The following PRKX variants were observed in gnomAD, a reference collection of about 807,000 sequenced individuals.
The protein encoded by PRKX is protein kinase cAMP-dependent X-linked catalytic subunit.
PRKX carries 12 observed loss-of-function variants against 22.0 expected under a neutral mutation model. The ratio of observed to expected loss-of-function variants is 0.54; its 90% CI spans 0.35 to 0.88. PRKX has a LOEUF of 0.88. Among genes scored for constraint, PRKX ranks in the 40% least tolerant of loss-of-function variants. The probability of loss-of-function intolerance (pLI) is 0.01; values close to 1 mark genes in which losing one functional copy is unlikely to be tolerated. For missense variants in PRKX, 217 were observed against 308.0 expected, an observed-to-expected ratio of 0.70 and a Z score of 2.21; for synonymous variants, 134 against 137.7, an observed-to-expected ratio of 0.97 and a Z score of 0.19.
At chrX:3,617,047 CATT>C (rs746765824) in intron 6 of PRKX, among the ~76,000 whole-genome samples, 81 of 110,756 alleles carry the variant, frequency 7.3e-4, no homozygotes, top group East Asian at 1.7e-3. Context: ...CACATACACA[CATT>C]AATATATACA....
intron 2 of PRKX, chrX:3,670,273 G>A (rs758219381): frequency 2.4e-5 from 3 of 123,156 alleles, no homozygotes; most frequent in Non-Finnish European, 5.6e-5. Flanking sequence ...AGCATGCAAC[G>A]TTGGACACCC....
chrX:3,612,167 A>T lies in PRKX; in HGVS notation c.*23+10T>A, dbSNP rs1926309695. 1 of 1,188,111 alleles carries T rather than the reference A, an allele frequency of 8.4e-7. No individual in the cohort carries two copies. Among genetic ancestry groups the T allele is most frequent in the East Asian group, 3.0e-5 (1 of 33,306 alleles). On this transcript the variant is annotated intron_variant, in intron 8 of 8. Coordinates refer to ENST00000262848, the MANE Select transcript of PRKX (RefSeq NM_005044.5). ...TCATTTTTTGGGAATTACTAAATAT[A>T]AAGATATACCTTCCAGATGTGAGCT... is the stretch of plus-strand genomic sequence containing the variant.
At chrX:3,697,594 G>A (rs974146511) in intron 1 of PRKX, among the ~76,000 whole-genome samples, 2 of 108,767 alleles carry the variant, frequency 1.8e-5, no homozygotes, top group South Asian at 4.1e-4. Context: ...CACCCAGGCT[G>A]GAGTAGAGTG....
At chrX:3,627,394 A>T (rs1185419759) in intron 4 of PRKX, among the ~76,000 whole-genome samples, 1 of 86,212 alleles carries the variant, frequency 1.2e-5, no homozygotes, top group Admixed American at 1.2e-4. Context: ...AAAAAAATTA[A>T]AAAAAAAAAA....
chrX:3,605,752 G>C lies in PRKX; in HGVS notation c.*3217C>G, dbSNP rs1411267250. 1 of 112,339 alleles carries C rather than the reference G, an allele frequency of 8.9e-6. No individual in the cohort carries two copies. Among genetic ancestry groups the C allele is most frequent in the African/African-American group, 3.2e-5 (1 of 30,902 alleles). The allele number at this position is 112,339 out of a possible 1,213,427, so 9.3% of individuals were successfully genotyped here. The stretch of plus-strand genomic sequence containing the variant: ...GGGAAATTCAGTAACAAGTGATTGT[G>C]CAGTTGTTTGATGGGCATGGAGAGG... On this transcript the variant is annotated 3_prime_UTR_variant, in exon 9 of 9. Transcript: ENST00000262848.
At chrX:3,618,483 G>T (rs980732952) in intron 6 of PRKX, among the ~76,000 whole-genome samples, 3 of 109,309 alleles carry the variant, frequency 2.7e-5, no homozygotes, top group Non-Finnish European at 3.8e-5. Flanking sequence ...GATCTTAAGT[G>T]TTCTCACCAC....
chrX:3,627,990 C>T (rs768513948), intron 4 of PRKX, among the ~76,000 whole-genome samples: 5 of 111,106 alleles, frequency 4.5e-5, no homozygotes, highest in Non-Finnish European at 9.4e-5. Context: ...AGGGAATCAG[C>T]GTAGATGTCC....
At chrX:3,660,758 C>T (rs1473077856) in intron 2 of PRKX, among the ~76,000 whole-genome samples, 1 of 111,581 alleles carries the variant, frequency 9.0e-6, no homozygotes, top group African/African-American at 3.3e-5. Flanking sequence ...AATACGCAAG[C>T]CCTGACAATA....
At chrX:3,644,234 C>CA (rs35016428) in intron 3 of PRKX, among the ~76,000 whole-genome samples, 701 of 45,051 alleles carry the variant, frequency 0.016, 15 homozygotes, top group African/African-American at 0.028. Flanking sequence ...CACTCCTTTA[C>CA]AAAAAAAAAA....
chrX:3,698,763 G>A (rs1221239313), intron 1 of PRKX, among the ~76,000 whole-genome samples: 1 of 107,809 alleles, frequency 9.3e-6, no homozygotes, highest in Non-Finnish European at 1.9e-5. Flanking sequence ...GCTAATTTTT[G>A]TAGTTTTGGT....
At chrX:3,623,822 T>TA (rs1926607916) in intron 5 of PRKX, among the ~76,000 whole-genome samples, 1 of 111,615 alleles carries the variant, frequency 9.0e-6, no homozygotes, top group Non-Finnish European at 1.9e-5. Context: ...TCAGGTGTTG[T>TA]AAAAAACACC....
chrX:3,712,346 AG>A (rs1224115446), intron 1 of PRKX, among the ~76,000 whole-genome samples: 1 of 111,790 alleles, frequency 8.9e-6, no homozygotes, highest in Non-Finnish European at 1.9e-5. Context: ...TGACCCACTC[AG>A]GGCTGCTCCA....
At chrX:3,683,661 A>C (rs1418720765) in intron 1 of PRKX, among the ~76,000 whole-genome samples, 7 of 111,155 alleles carry the variant, frequency 6.3e-5, no homozygotes, top group Non-Finnish European at 1.1e-4. Context: ...ACATAGCGAG[A>C]TCCCAGCTAC....
chrX:3,638,595 G>A (rs760258952), intron 4 of PRKX, among the ~76,000 whole-genome samples: 8 of 111,903 alleles, frequency 7.1e-5, no homozygotes, highest in African/African-American at 2.6e-4. Flanking sequence ...TGCATATTGA[G>A]AAGTTTGGTT....
chrX:3,630,508 C>T (rs1029790206), intron 4 of PRKX, among the ~76,000 whole-genome samples: 2 of 111,239 alleles, frequency 1.8e-5, no homozygotes, highest in Admixed American at 9.6e-5. Context: ...TGCAGTGAGC[C>T]GAGATCACGC....
chrX:3,639,919 A>G (rs908561266), intron 4 of PRKX, among the ~76,000 whole-genome samples: 2 of 111,137 alleles, frequency 1.8e-5, no homozygotes, highest in Non-Finnish European at 3.8e-5. Context: ...AGAATGTCAC[A>G]TGCTCCACAC....
At position 3,684,087 on chromosome X, in the gene PRKX, C is replaced by G. The variant is rs189147754; in HGVS notation, c.167-9321G>C. Among the ~76,000 whole-genome samples, 487 of 110,785 alleles carry G rather than the reference C, an allele frequency of 4.4e-3. 8 individuals carry two copies. The highest frequency in any genetic ancestry group is 0.015 in the African/African-American group (460 of 30,416). Reference sequence around the variant, plus strand: ...CCAACATGGTGAAACCCCGTCTCTACTAAAAATACAAAAATTAGCCGGGTG... The same window carrying G: ...CCAACATGGTGAAACCCCGTCTCTAGTAAAAATACAAAAATTAGCCGGGTG... On this transcript the variant is annotated intron_variant, in intron 1 of 8. Transcript: ENST00000262848.
At chrX:3,659,859 GGATT>G (rs1346613745) in intron 2 of PRKX, among the ~76,000 whole-genome samples, 91 of 109,656 alleles carry the variant, frequency 8.3e-4, no homozygotes, top group African/African-American at 2.9e-3. Context: ...CGAGTAGCTG[GGATT>G]ACAGGCGCAT....
At chrX:3,703,159 T>C (rs986704676) in intron 1 of PRKX, among the ~76,000 whole-genome samples, 1 of 111,474 alleles carries the variant, frequency 9.0e-6, no homozygotes, top group Non-Finnish European at 1.9e-5. Flanking sequence ...TGTGTCCCTG[T>C]AGTCCCAGCT....
Sources: allele counts gnomAD v4.1 joint callset (sites outside exome capture counted in the v4.1 genomes callset), GRCh38; gene constraint gnomAD v4.1.1; transcripts MANE v1.5; gene names NCBI Gene and HGNC (gene_info 2026-07-23, HGNC 2026-07-21).